PCDHGB3: variants seen among roughly 807,000 people sequenced by gnomAD.
PCDHGB3 encodes protocadherin gamma-B3.
PCDHGB3 carries 40 observed loss-of-function variants against 59.2 expected under a neutral mutation model. The observed-to-expected ratio is 0.68, with a 90% CI of 0.52 to 0.88. The LOEUF is 0.88. Ranked by LOEUF, PCDHGB3 falls within the 40% of genes least tolerant of loss-of-function variation. The pLI, the probability that PCDHGB3 is intolerant of heterozygous loss-of-function variation, is 0.00. For synonymous variants in PCDHGB3, 581 were observed against 503.6 expected (o/e 1.15, Z -2.06); for missense variants, 1,309 against 1,187.9 (o/e 1.10, Z -1.50).
At chr5:141,389,147 G>C (rs530113846) in intron 1 of PCDHGB3, 120 of 1,613,986 alleles carry the variant, frequency 7.4e-5, no homozygotes, top group Admixed American at 4.8e-4. Flanking sequence ...TAACCGTTAC[G>C]GCAACAGATC....
chr5:141,478,384 T>G, intron 1 of PCDHGB3: 1 of 1,613,658 alleles, frequency 6.2e-7, no homozygotes, highest in South Asian at 1.1e-5. Context: ...CGCCGCACCT[T>G]TACCATCAGG....
intron 1 of PCDHGB3, chr5:141,382,738 C>A (rs1464522704): frequency 1.7e-6 from 1 of 572,972 alleles, no homozygotes; most frequent in East Asian, 2.8e-5. Context: ...CACAGAGAAA[C>A]GACAGATTGC....
intron 1 of PCDHGB3, chr5:141,378,010 T>C (rs1476632072): frequency 6.6e-6 from 1 of 152,212 alleles, no homozygotes; most frequent in Non-Finnish European, 1.5e-5. Flanking sequence ...TCAAATAAGC[T>C]CTACTTATAT....
At chr5:141,423,882 C>T in intron 1 of PCDHGB3, 3 of 1,282,372 alleles carry the variant, frequency 2.3e-6, no homozygotes, top group Non-Finnish European at 3.0e-6. Context: ...TCAATCTTGG[C>T]ATATTTTCTT....
chr5:141,414,330 G>A (rs1472752550), intron 1 of PCDHGB3: 2 of 1,613,714 alleles, frequency 1.2e-6, no homozygotes, highest in Non-Finnish European at 1.7e-6. Flanking sequence ...AGAATGGACA[G>A]GTAACCTGTT....
At chr5:141,383,102 C>T (rs991434235) in intron 1 of PCDHGB3, 1 of 1,614,004 alleles carries the variant, frequency 6.2e-7, no homozygotes, top group Non-Finnish European at 8.5e-7. Context: ...CGCATCATCT[C>T]CAGAGGTAGG....
chr5:141,428,324 T>C, intron 1 of PCDHGB3: 1 of 642,806 alleles, frequency 1.6e-6, no homozygotes, highest in Non-Finnish European at 2.8e-6. Flanking sequence ...TTGGCCTTGA[T>C]TTCTATGCTC....
At chr5:141,395,077 A>C (rs2093162583) in intron 1 of PCDHGB3, 1 of 1,614,024 alleles carries the variant, frequency 6.2e-7, no homozygotes, top group South Asian at 1.1e-5. Context: ...ACCTATTCCC[A>C]GGAAGTCTCC....
chr5:141,498,807 C>T (rs113587634), intron 2 of PCDHGB3, among the ~76,000 whole-genome samples: 5,552 of 152,138 alleles, frequency 0.036, 136 homozygotes, highest in South Asian at 0.073. Context: ...GTGGTGCACA[C>T]CTGTAGTCCC....
rs116495533 is a variant in PCDHGB3 at position 141,370,893 on chromosome 5, C to A, written c.499C>A (p.Leu167Met). The change falls in exon 1 of 4, where the codon CTG becomes ATG. Residue 167 changes from leucine (L) to methionine (M), a missense_variant. Coordinates refer to ENST00000576222, the MANE Select transcript of PCDHGB3 (RefSeq NM_018924.5). ...AQDPDVGVNS[L>M]QQYYLSPDPH... is the part of the protein sequence containing the mutation. ...AGATCCTGATGTAGGTGTCAATTCG[C>A]TGCAGCAGTACTACCTCAGCCCTGA... The A allele has an allele frequency of 6.2e-7, 1 of 1,613,944 alleles. No individual in the cohort carries two copies. Among genetic ancestry groups the A allele is most frequent in the African/African-American group, 1.3e-5 (1 of 74,924 alleles).
chr5:141,424,195 A>C (rs2096804945), intron 1 of PCDHGB3: 1 of 183,680 alleles, frequency 5.4e-6, no homozygotes, highest in Non-Finnish European at 1.1e-5. Context: ...ACACACTTAT[A>C]CACGTAAGCT....
chr5:141,441,905 C>G, intron 1 of PCDHGB3: 1 of 348,464 alleles, frequency 2.9e-6, no homozygotes, highest in Non-Finnish European at 5.5e-6. Flanking sequence ...GCTGTAGACG[C>G]AGATGTGAGA....
At chr5:141,413,124 AAC>A in intron 1 of PCDHGB3, 2 of 1,528,020 alleles carry the variant, frequency 1.3e-6, no homozygotes, top group Non-Finnish European at 1.8e-6. Flanking sequence ...AACCGGTTGA[AAC>A]ACACAACGTG....
Position 141,493,701 on chromosome 5 carries a change from C to G in PCDHGB3, c.2416-1106C>G, listed in dbSNP as rs2099749680. 6.6e-6 allele frequency among the ~76,000 whole-genome samples: 1 copy of G among 152,172 alleles called. No homozygotes were observed. Among genetic ancestry groups the G allele is most frequent in the Admixed American group, 6.5e-5 (1 of 15,286 alleles). On this transcript the variant is annotated intron_variant, in intron 1 of 3. Coordinates refer to ENST00000576222, the MANE Select transcript of PCDHGB3 (RefSeq NM_018924.5). This position sits in a 1 kb window ranked among gnomAD's most constrained non-coding sequence, Gnocchi z 4.3. Reference sequence around the variant, plus strand: ...ATGGTGCTGGTGACTCCCGATACACCTGGAATGCTAGGTTTCTGGGTTCTG... The same window carrying G: ...ATGGTGCTGGTGACTCCCGATACACGTGGAATGCTAGGTTTCTGGGTTCTG...
At chr5:141,430,946 G>A (rs2097328634) in intron 1 of PCDHGB3, 1 of 1,609,494 alleles carries the variant, frequency 6.2e-7, no homozygotes, top group Non-Finnish European at 8.5e-7. Flanking sequence ...CGCGGAGCGC[G>A]GAGTCCGCAT....
At chr5:141,387,602 G>A in intron 1 of PCDHGB3, 3 of 545,116 alleles carry the variant, frequency 5.5e-6, no homozygotes, top group Middle Eastern at 9.5e-4. Context: ...AGCAGCAGAG[G>A]CTGTAGTTTC....
At chr5:141,388,580 G>T (rs376569160) in intron 1 of PCDHGB3, 1 of 1,613,868 alleles carries the variant, frequency 6.2e-7, no homozygotes, top group Admixed American at 1.7e-5. Flanking sequence ...ACGTTCTAGT[G>T]ACTGATGCCA....
At chr5:141,424,245 A>T (rs1196753393) in intron 1 of PCDHGB3, 3 of 155,310 alleles carry the variant, frequency 1.9e-5, no homozygotes, top group African/African-American at 7.2e-5. Context: ...GGTGGCTGGT[A>T]ATATGCTTAG....
intron 1 of PCDHGB3, chr5:141,388,544 A>C (rs755878131): frequency 5.6e-6 from 9 of 1,613,654 alleles, no homozygotes; most frequent in Non-Finnish European, 6.8e-6. Flanking sequence ...TTGGAGCTCC[A>C]CCCCTAAGCA....
Sources: gnomAD v4.1 joint callset for allele counts (sites outside exome capture counted in the v4.1 genomes callset) on GRCh38, gnomAD v4.1.1 for gene constraint, Gnocchi (gnomAD v3.1) non-coding constraint, MANE v1.5 for transcripts, NCBI Gene and HGNC (gene_info 2026-07-23, HGNC 2026-07-21) for gene names.